The following KCNQ5 variants were observed in gnomAD, a reference collection of about 807,000 sequenced individuals.
KCNQ5 encodes potassium voltage-gated channel subfamily KQT member 5.
KCNQ5 carries 30 observed loss-of-function variants against 98.2 expected under a neutral mutation model. The observed-to-expected ratio is 0.31, with a 90% CI of 0.23 to 0.41. The LOEUF is 0.41. KCNQ5 is among the 10% of genes least tolerant of loss of function. The probability of loss-of-function intolerance (pLI) is 1.00; values close to 1 mark genes in which losing one functional copy is unlikely to be tolerated. For synonymous variants in KCNQ5, 458 were observed against 449.4 expected, an observed-to-expected ratio of 1.02 and a Z score of -0.24; for missense variants, 835 against 1,182.5, an observed-to-expected ratio of 0.71 and a Z score of 4.31.
chr6:72,975,327 A>G (rs1768112347), intron 1 of KCNQ5, among the ~76,000 whole-genome samples: 1 of 152,068 alleles, frequency 6.6e-6, no homozygotes. Context: ...TTTACTTACC[A>G]GACCCCAGAG....
intron 1 of KCNQ5, among the ~76,000 whole-genome samples, chr6:72,797,481 G>A (rs558257356): frequency 4.0e-5 from 6 of 150,012 alleles, no homozygotes; most frequent in African/African-American, 1.2e-4. Flanking sequence ...CCCCAGCCTG[G>A]GCAACAGAAT....
At chr6:72,960,084 C>G (rs753057070) in intron 1 of KCNQ5, among the ~76,000 whole-genome samples, 5 of 152,108 alleles carry the variant, frequency 3.3e-5, no homozygotes, top group Non-Finnish European at 7.4e-5. Context: ...CTGAAAGAAG[C>G]CTGACAACAC....
At chr6:72,749,069 A>G (rs898933752) in intron 1 of KCNQ5, among the ~76,000 whole-genome samples, 2 of 152,140 alleles carry the variant, frequency 1.3e-5, no homozygotes, top group Non-Finnish European at 2.9e-5. Context: ...TGGATTCTGA[A>G]CAAACTCTAA....
chr6:73,073,681 ACAGT>A (rs1319435651), intron 3 of KCNQ5, among the ~76,000 whole-genome samples: 1 of 152,202 alleles, frequency 6.6e-6, no homozygotes, highest in Non-Finnish European at 1.5e-5. Flanking sequence ...ATAATTCTTG[ACAGT>A]CAATTAACTA....
At chr6:72,794,661 C>T (rs770548236) in intron 1 of KCNQ5, among the ~76,000 whole-genome samples, 8 of 151,892 alleles carry the variant, frequency 5.3e-5, no homozygotes, top group Non-Finnish European at 8.8e-5. Context: ...TTAAAAATGC[C>T]CAGGTAAAGC....
At chr6:72,899,996 C>A (rs1387007920) in intron 1 of KCNQ5, among the ~76,000 whole-genome samples, 1 of 152,124 alleles carries the variant, frequency 6.6e-6, no homozygotes, top group Non-Finnish European at 1.5e-5. Context: ...CACCACCACG[C>A]CCTGCTACCT....
chr6:73,021,454 A>G (rs1770602250), intron 2 of KCNQ5, among the ~76,000 whole-genome samples: 1 of 152,138 alleles, frequency 6.6e-6, no homozygotes, highest in African/African-American at 2.4e-5. Context: ...TAGAATTTAT[A>G]ACTATTTGAT....
At chr6:73,018,842 A>G (rs1314602258) in intron 2 of KCNQ5, among the ~76,000 whole-genome samples, 1 of 152,162 alleles carries the variant, frequency 6.6e-6, no homozygotes, top group Non-Finnish European at 1.5e-5. Flanking sequence ...TTCTCATATA[A>G]TAGCAGCTCA....
chr6:72,700,602 G>C (rs1401345054), intron 1 of KCNQ5, among the ~76,000 whole-genome samples: 4 of 152,062 alleles, frequency 2.6e-5, no homozygotes, highest in African/African-American at 9.7e-5. Flanking sequence ...AAAATCTAAA[G>C]TTTAGAAATG....
intron 1 of KCNQ5, among the ~76,000 whole-genome samples, chr6:72,926,815 T>C (rs1475970668): frequency 6.6e-6 from 1 of 152,186 alleles, no homozygotes; most frequent in East Asian, 1.9e-4. Flanking sequence ...TTTGATAATA[T>C]GTAGCAGAAA....
intron 1 of KCNQ5, among the ~76,000 whole-genome samples, chr6:72,758,105 G>C (rs995745232): frequency 6.6e-6 from 1 of 151,898 alleles, no homozygotes; most frequent in African/African-American, 2.4e-5. Flanking sequence ...CAGGGAAGGG[G>C]AACACTGAAG....
At chr6:72,982,224 C>G (rs778567910) in intron 1 of KCNQ5, among the ~76,000 whole-genome samples, 1 of 152,156 alleles carries the variant, frequency 6.6e-6, no homozygotes, top group African/African-American at 2.4e-5. Flanking sequence ...AACCTTCTGT[C>G]TCGTTATCTG....
chr6:73,017,169 T>C (rs182225884), intron 2 of KCNQ5, among the ~76,000 whole-genome samples: 1 of 152,312 alleles, frequency 6.6e-6, no homozygotes, highest in East Asian at 1.9e-4. Context: ...CGCCCTGCCC[T>C]GGAAGAATTC....
At chr6:73,095,638 CT>C (rs1198983202) in intron 5 of KCNQ5, among the ~76,000 whole-genome samples, 2 of 152,166 alleles carry the variant, frequency 1.3e-5, no homozygotes, top group Non-Finnish European at 2.9e-5. Flanking sequence ...TACTCTCCCC[CT>C]GTTCCTATGG....
intron 1 of KCNQ5, among the ~76,000 whole-genome samples, chr6:72,760,087 A>C (rs1772184497): frequency 1.3e-5 from 2 of 152,128 alleles, no homozygotes; most frequent in Non-Finnish European, 2.9e-5. Context: ...CCTCTGAAGA[A>C]ATGATTCCAT....
chr6:72,652,359 C>T (rs1765920860), intron 1 of KCNQ5, among the ~76,000 whole-genome samples: 1 of 151,794 alleles, frequency 6.6e-6, no homozygotes, highest in African/African-American at 2.4e-5. Context: ...ATATTAATTC[C>T]TCTGAATCAT....
At chr6:72,982,262 T>C (rs1768499002) in intron 1 of KCNQ5, among the ~76,000 whole-genome samples, 1 of 152,166 alleles carries the variant, frequency 6.6e-6, no homozygotes, top group Non-Finnish European at 1.5e-5. Context: ...GATGTTAAAG[T>C]CTCCCATTAT....
intron 11 of KCNQ5, among the ~76,000 whole-genome samples, chr6:73,189,365 A>G: frequency 6.6e-6 from 1 of 152,250 alleles, no homozygotes; most frequent in South Asian, 2.1e-4. Context: ...AGGAATAATT[A>G]GGATATAATT....
At chr6:72,828,028 C>T (rs2150120703) in intron 1 of KCNQ5, among the ~76,000 whole-genome samples, 1 of 152,230 alleles carries the variant, frequency 6.6e-6, no homozygotes, top group Non-Finnish European at 1.5e-5. Context: ...TATTAAAAAT[C>T]AGTTGGCTGT....
Sources: allele counts gnomAD v4.1 joint callset (sites outside exome capture counted in the v4.1 genomes callset), GRCh38; gene constraint gnomAD v4.1.1; transcripts MANE v1.5; gene names NCBI Gene and HGNC (gene_info 2026-07-23, HGNC 2026-07-21).